The following NLRC5 variants were observed in gnomAD, a reference collection of about 807,000 sequenced individuals.
NLRC5 encodes protein NLRC5.
Under a neutral mutation model 206.9 loss-of-function variants are expected in NLRC5, and 114 were observed. The observed-to-expected ratio is 0.55, with a 90% CI of 0.47 to 0.64. The LOEUF is 0.64. Among genes scored for constraint, NLRC5 ranks in the 30% least tolerant of loss-of-function variants. The probability of loss-of-function intolerance (pLI) is 0.00; values close to 1 mark genes in which losing one functional copy is unlikely to be tolerated. For synonymous variants in NLRC5, 952 were observed against 962.8 expected (o/e 0.99, Z 0.21); for missense variants, 2,008 against 2,305.5 (o/e 0.87, Z 2.64).
chr16:56,996,501 G>C (rs760788967), intron 1 of NLRC5, among the ~76,000 whole-genome samples: 2 of 151,934 alleles, frequency 1.3e-5, no homozygotes, highest in African/African-American at 4.8e-5. Context: ...GTTTCTTTTC[G>C]ATGATACCTT....
chr16:56,994,529 A>G (rs536489182), intron 1 of NLRC5, among the ~76,000 whole-genome samples: 1 of 152,334 alleles, frequency 6.6e-6, no homozygotes, highest in East Asian at 1.9e-4. Flanking sequence ...GTAAACAAAG[A>G]TGTGCATGTC....
At chr16:57,031,993 A>G (rs1273434880) in intron 11 of NLRC5, among the ~76,000 whole-genome samples, 2 of 151,812 alleles carry the variant, frequency 1.3e-5, no homozygotes, top group African/African-American at 4.8e-5. Context: ...GACCATCCCA[A>G]CTGTGCTCTA....
At chr16:57,069,986 C>A in intron 37 of NLRC5, 67 bp downstream of exon 37, 2 of 1,370,650 alleles carry the variant, frequency 1.5e-6, no homozygotes, top group Non-Finnish European at 2.0e-6. Flanking sequence ...GAGAAGAGAG[C>A]AGGGCGTTTG....
intron 24 of NLRC5, among the ~76,000 whole-genome samples, chr16:57,051,989 G>A (rs1414373264): frequency 6.6e-6 from 1 of 152,108 alleles, no homozygotes; most frequent in Non-Finnish European, 1.5e-5. Context: ...TGACAAATGA[G>A]CTGTCCAACT....
intron 32 of NLRC5, among the ~76,000 whole-genome samples, chr16:57,063,984 C>A (rs1329788187): frequency 6.6e-6 from 1 of 152,032 alleles, no homozygotes; most frequent in East Asian, 1.9e-4. Context: ...GTGATCCCCC[C>A]ACCTCAGCCT....
intron 46 of NLRC5, 85 bp from the exon 47 acceptor site, chr16:57,081,013 C>A (rs1597473521): frequency 1.7e-5 from 22 of 1,266,562 alleles, no homozygotes; most frequent in African/African-American, 1.3e-4. Flanking sequence ...ACGACTGGCA[C>A]CCTGCTTTCC....
chr16:56,991,624 C>T (rs1028180763), intron 1 of NLRC5, among the ~76,000 whole-genome samples: 14 of 151,598 alleles, frequency 9.2e-5, no homozygotes, highest in African/African-American at 3.1e-4. Context: ...TCAGATGATC[C>T]ACCCGCCTCG....
At chr16:57,067,556 C>A in intron 35 of NLRC5, 86 bp downstream of exon 35, 1 of 1,435,722 alleles carries the variant, frequency 7.0e-7, no homozygotes, top group Non-Finnish European at 9.8e-7. Flanking sequence ...CCCTGGCATT[C>A]TCACTTCCTT....
chr16:56,996,728 A>G (rs1597062086), intron 1 of NLRC5, among the ~76,000 whole-genome samples: 1 of 152,242 alleles, frequency 6.6e-6, no homozygotes, highest in African/African-American at 2.4e-5. Flanking sequence ...TTTCCAAATG[A>G]GTACAGGTTA....
chr16:57,062,735 A>G (rs1197658213), intron 32 of NLRC5: 1 of 152,376 alleles, frequency 6.6e-6, no homozygotes, highest in East Asian at 1.9e-4. Flanking sequence ...CTGTTCCCCA[A>G]AATAACCTGT....
chr16:57,061,683 C>T lies in NLRC5; in HGVS notation c.4136C>T (p.Ala1379Val), dbSNP rs757636134. Residue 1379 changes from alanine to valine, a missense_variant, in exon 32 of 49, where the codon GCA becomes GTA. Coordinates refer to ENST00000688547, the MANE Select transcript of NLRC5 (RefSeq NM_001384950.1). ...AILLSLVGRP[A>V]GLFSLRVQEP... The stretch of plus-strand genomic sequence containing the variant: ...CTCCTGAGCTTGGTGGGGCGACCCG[C>T]AGGGCTGTTCAGCCTCAGGTACCTC... 1.1e-5 allele frequency: 17 copies of T among 1,606,730 alleles called. No individual in the cohort carries two copies. Among genetic ancestry groups the T allele is most frequent in the African/African-American group, 2.7e-5 (2 of 74,892 alleles).
intron 24 of NLRC5, chr16:57,053,161 G>A (rs1256819513): frequency 6.6e-6 from 1 of 152,214 alleles, no homozygotes; most frequent in Non-Finnish European, 1.5e-5. Context: ...GAATTTTCTC[G>A]GGATGTGGTG....
chr16:57,023,263 A>G (rs1032919630), intron 4 of NLRC5, among the ~76,000 whole-genome samples: 2 of 152,158 alleles, frequency 1.3e-5, no homozygotes, highest in African/African-American at 4.8e-5. Flanking sequence ...TCTTCCAGAA[A>G]GGCATTAAAG....
chr16:57,081,386 G>A, intron 47 of NLRC5, 141 bp from the exon 48 acceptor site: 2 of 922,682 alleles, frequency 2.2e-6, no homozygotes, highest in Non-Finnish European at 3.4e-6. Flanking sequence ...CCAGTCCCCT[G>A]TTGTCTTTTG....
rs57448491 is a variant in NLRC5 at position 57,053,573 on chromosome 16, G to A, written c.3507-1178G>A. On this transcript the variant is annotated intron_variant, in intron 24 of 48. Coordinates refer to ENST00000688547, the MANE Select transcript of NLRC5 (RefSeq NM_001384950.1). Reference sequence around the variant, plus strand: ...GGGGAGGGTCTCGCTCTGTCACACAGGCTGGAGTGCAATGGCGCAATCTCG... The same window carrying A: ...GGGGAGGGTCTCGCTCTGTCACACAAGCTGGAGTGCAATGGCGCAATCTCG... Among the ~76,000 whole-genome samples, 15 of 152,288 alleles carry A rather than the reference G, an allele frequency of 9.8e-5. No homozygotes were observed. In the East Asian group the frequency reaches 2.7e-3, roughly 27 times the overall value.
intron 27 of NLRC5, 118 bp from the exon 28 acceptor site, chr16:57,057,947 G>C: frequency 1.3e-6 from 1 of 769,608 alleles, no homozygotes; most frequent in Non-Finnish European, 2.3e-6. Flanking sequence ...GGTGGCGCTG[G>C]TGACCCTGAC....
chr16:57,002,645 G>GTTTTTTTTTTTTTTTT (rs61167610), intron 1 of NLRC5, among the ~76,000 whole-genome samples: 1 of 94,742 alleles, frequency 1.1e-5, no homozygotes, highest in Non-Finnish European at 2.1e-5. Flanking sequence ...GTTTTTTTTT[G>GTTTTTTTTTTTTTTTT]TTTTTTTTTT....
rs1268219010 is a variant in NLRC5 at position 57,036,107 on chromosome 16, G to A, written c.2635G>A (p.Gly879Arg). Residue 879 changes from glycine (G) to arginine (R), a missense_variant, in exon 14 of 49, where the codon GGG (glycine) becomes AGG (arginine). Transcript: ENST00000688547. ...GPHLEEVDLS[G>R]NQLEDEGCRL... ...TTGGGCCCCCCGTCTCAGCCTCTCA[G>A]GGAACCAGCTGGAAGATGAAGGCTG... The A allele has an allele frequency of 6.2e-7, 1 of 1,613,598 alleles. No homozygotes were observed. The highest frequency in any genetic ancestry group is 2.2e-5 in the East Asian group (1 of 44,890).
chr16:57,058,820 T>C, intron 28 of NLRC5, 152 bp from the exon 29 acceptor site: 2 of 722,008 alleles, frequency 2.8e-6, no homozygotes, highest in Non-Finnish European at 4.9e-6. Context: ...GGTATCCTTC[T>C]GGGCCTCAGT....
Sources: gnomAD v4.1 joint callset for allele counts (sites outside exome capture counted in the v4.1 genomes callset) on GRCh38, gnomAD v4.1.1 for gene constraint, MANE v1.5 for transcripts, NCBI Gene and HGNC (gene_info 2026-07-23, HGNC 2026-07-21) for gene names.